FNDC3B: variants seen among roughly 807,000 people sequenced by gnomAD.
FNDC3B encodes fibronectin type III domain containing 3B.
In FNDC3B, 12 loss-of-function variants were observed where a neutral mutation model predicts 151.5. The observed-to-expected ratio is 0.08, with a 90% CI of 0.05 to 0.13. FNDC3B has a LOEUF of 0.13. FNDC3B is among the 10% of genes least tolerant of loss of function. FNDC3B has a pLI of 1.00. For synonymous variants in FNDC3B, 528 were observed against 549.0 expected (o/e 0.96, Z 0.54); for missense variants, 1,214 against 1,505.3 (o/e 0.81, Z 3.20).
At chr3:172,134,758 T>C (rs1374445755) in intron 3 of FNDC3B, among the ~76,000 whole-genome samples, 1 of 152,164 alleles carries the variant, frequency 6.6e-6, no homozygotes, top group Non-Finnish European at 1.5e-5. Flanking sequence ...ATTAATGATT[T>C]CTACTCTGCA....
intron 3 of FNDC3B, among the ~76,000 whole-genome samples, chr3:172,150,540 T>C (rs1376534543): frequency 1.3e-5 from 2 of 151,970 alleles, no homozygotes; most frequent in African/African-American, 4.8e-5. Flanking sequence ...CTTTTCCAGT[T>C]GGTTTTTTAG....
chr3:172,246,463 G>A (rs1353768102), intron 4 of FNDC3B, among the ~76,000 whole-genome samples: 2 of 152,216 alleles, frequency 1.3e-5, no homozygotes, highest in African/African-American at 4.8e-5. Context: ...TATCTGTTGT[G>A]TTAGTTATTT....
At chr3:172,357,422 T>G (rs1734148348) in intron 22 of FNDC3B, among the ~76,000 whole-genome samples, 1 of 152,252 alleles carries the variant, frequency 6.6e-6, no homozygotes, top group African/African-American at 2.4e-5. Context: ...TTACTTGAGC[T>G]AAAGAGAAAA....
intron 3 of FNDC3B, among the ~76,000 whole-genome samples, chr3:172,149,766 T>A (rs531506074): frequency 6.6e-6 from 1 of 151,088 alleles, no homozygotes; most frequent in Non-Finnish European, 1.5e-5. Flanking sequence ...TAATAATTGC[T>A]ACTTTAAAAA....
chr3:172,147,174 T>C (rs2108595259), intron 3 of FNDC3B, among the ~76,000 whole-genome samples: 1 of 152,048 alleles, frequency 6.6e-6, no homozygotes, highest in East Asian at 1.9e-4. Context: ...GGTGTGGTGG[T>C]GCATGCCTGT....
intron 1 of FNDC3B, among the ~76,000 whole-genome samples, chr3:172,081,733 GA>G (rs1251941897): frequency 1.3e-5 from 2 of 152,162 alleles, no homozygotes; most frequent in African/African-American, 4.8e-5. Context: ...ACAGGTGACA[GA>G]TTTGGTATTC....
At chr3:172,102,771 C>T (rs1719437218) in intron 1 of FNDC3B, among the ~76,000 whole-genome samples, 1 of 152,138 alleles carries the variant, frequency 6.6e-6, no homozygotes, top group Non-Finnish European at 1.5e-5. Flanking sequence ...TCTCTTTCCA[C>T]CTCCCCGTGC....
intron 1 of FNDC3B, among the ~76,000 whole-genome samples, chr3:172,088,932 A>G (rs535857783): frequency 2.0e-5 from 3 of 152,326 alleles, no homozygotes; most frequent in East Asian, 1.9e-4. Context: ...CAACTGTAAG[A>G]TTTTAAAATT....
chr3:172,210,011 A>G (rs1725649972), intron 3 of FNDC3B, among the ~76,000 whole-genome samples: 1 of 152,214 alleles, frequency 6.6e-6, no homozygotes, highest in Non-Finnish European at 1.5e-5. Flanking sequence ...AGTGGGTGCC[A>G]GGGACAGGGA....
chr3:172,337,712 A>G, intron 16 of FNDC3B: 1 of 318,264 alleles, frequency 3.1e-6, no homozygotes, highest in Non-Finnish European at 5.8e-6. Context: ...TTTTTGAGAT[A>G]CGATCTCTGT....
rs1447884024 is a variant in FNDC3B at position 172,330,553 on chromosome 3, A to C, written c.1392A>C (p.Gln464His). 1 of 1,613,044 alleles carries C rather than the reference A, an allele frequency of 6.2e-7. No homozygotes were observed. Among genetic ancestry groups the C allele is most frequent in the Non-Finnish European group, 8.5e-7 (1 of 1,179,394 alleles). ...RNDIGTSGYS[Q>H]EVVCYTLGNI... is the part of the protein sequence containing the mutation. ...TCTTTCTCTACAGTGGTTATAGCCA[A>C]GAGGTGGTGTGCTACACATTAGGAA... The change falls in exon 13 of 26, where the codon CAA becomes CAC. Residue 464 changes from glutamine to histidine, a missense_variant. Physicochemically the swap from Gln to His is conservative, Grantham distance 24. Coordinates refer to ENST00000415807, the MANE Select transcript of FNDC3B (RefSeq NM_022763.4).
At chr3:172,050,782 T>C (rs1716609995) in intron 1 of FNDC3B, among the ~76,000 whole-genome samples, 1 of 151,868 alleles carries the variant, frequency 6.6e-6, no homozygotes, top group African/African-American at 2.4e-5. Context: ...TGTGTGTGTA[T>C]ATATATTGCT....
rs955571830 is a variant in FNDC3B, at chr3:172,352,451, C to T, written c.2515-352C>T. Among the ~76,000 whole-genome samples, 1 of 152,076 alleles carries T rather than the reference C, an allele frequency of 6.6e-6. No homozygotes were observed. The highest frequency in any genetic ancestry group is 6.5e-5 in the Admixed American group (1 of 15,274). On this transcript the variant is annotated intron_variant, in intron 21 of 25. Coordinates refer to ENST00000415807, the MANE Select transcript of FNDC3B (RefSeq NM_022763.4). The surrounding 1 kb of genome is among the most constrained non-coding windows in gnomAD (Gnocchi z 4.2). ...ATCATCTGACTCTGAGTTCCTGTCTCTAAAAGGCGGATAAGAATACCTACC... is the reference window on the plus strand; with the variant it reads ...ATCATCTGACTCTGAGTTCCTGTCTTTAAAAGGCGGATAAGAATACCTACC...
intron 1 of FNDC3B, among the ~76,000 whole-genome samples, chr3:172,098,585 AAGC>A (rs1719203342): frequency 6.6e-6 from 1 of 152,214 alleles, no homozygotes; most frequent in Non-Finnish European, 1.5e-5. Context: ...GGCTTTGAAA[AAGC>A]AGTAGATTCT....
chr3:172,200,250 A>C (rs1725076997), intron 3 of FNDC3B, among the ~76,000 whole-genome samples: 1 of 152,198 alleles, frequency 6.6e-6, no homozygotes, highest in Admixed American at 6.5e-5. Flanking sequence ...CCTAGAGAAA[A>C]CCCACACAGA....
intron 3 of FNDC3B, among the ~76,000 whole-genome samples, chr3:172,141,022 A>G (rs1276815482): frequency 6.6e-6 from 1 of 152,150 alleles, no homozygotes; most frequent in South Asian, 2.1e-4. Context: ...GTTAGCCCCA[A>G]TTTCCTCTCT....
chr3:172,134,670 G>C (rs1477892731), intron 3 of FNDC3B, among the ~76,000 whole-genome samples: 1 of 151,274 alleles, frequency 6.6e-6, no homozygotes, highest in Non-Finnish European at 1.5e-5. Flanking sequence ...AATATTTCTT[G>C]AGAAATGAGT....
intron 9 of FNDC3B, among the ~76,000 whole-genome samples, chr3:172,301,328 A>G (rs1007294889): frequency 2.0e-5 from 3 of 152,208 alleles, no homozygotes; most frequent in Non-Finnish European, 4.4e-5. Context: ...CATATCACTC[A>G]CATTTTTATT....
chr3:172,239,856 C>CTTTTTTTTTTTTTTTTTTTTTTTT (rs71179981), intron 4 of FNDC3B, among the ~76,000 whole-genome samples: 2 of 49,912 alleles, frequency 4.0e-5, no homozygotes, highest in African/African-American at 7.5e-5. Flanking sequence ...CATTTTAGTT[C>CTTTTTTTTTTTTTTTTTTTTTTTT]TTTTTTTTTT....
Sources: gnomAD v4.1 joint callset for allele counts (sites outside exome capture counted in the v4.1 genomes callset) on GRCh38, gnomAD v4.1.1 for gene constraint, Gnocchi (gnomAD v3.1) non-coding constraint, MANE v1.5 for transcripts, NCBI Gene and HGNC (gene_info 2026-07-23, HGNC 2026-07-21) for gene names.